The following CPEB1 variants were observed in gnomAD, a reference collection of about 807,000 sequenced individuals.
CPEB1 encodes the protein cytoplasmic polyadenylation element binding protein 1.
CPEB1 carries 7 observed loss-of-function variants against 65.8 expected under a neutral mutation model. The ratio of observed to expected loss-of-function variants is 0.11; its 90% CI spans 0.06 to 0.20. CPEB1 has a LOEUF of 0.20. Ranked by LOEUF, CPEB1 falls within the 10% of genes least tolerant of loss-of-function variation. The probability of loss-of-function intolerance (pLI) is 1.00; values close to 1 mark genes in which losing one functional copy is unlikely to be tolerated. For missense variants in CPEB1, 551 were observed against 712.2 expected, an observed-to-expected ratio of 0.77 and a Z score of 2.58; for synonymous variants, 262 against 260.0, an observed-to-expected ratio of 1.01 and a Z score of -0.08.
intron 4 of CPEB1, among the ~76,000 whole-genome samples, chr15:82,560,396 A>G (rs1189832069): frequency 1.4e-5 from 2 of 138,506 alleles, no homozygotes; most frequent in Non-Finnish European, 3.2e-5. Flanking sequence ...TCTTATTGTC[A>G]TTTGTTTTTT....
intron 3 of CPEB1, among the ~76,000 whole-genome samples, chr15:82,611,401 T>G (rs1442710224): frequency 6.6e-6 from 1 of 152,092 alleles, no homozygotes; most frequent in Non-Finnish European, 1.5e-5. Flanking sequence ...AAGAAATCAC[T>G]GAAATAAATT....
At chr15:82,573,502 A>T (rs1207813786) in intron 3 of CPEB1, among the ~76,000 whole-genome samples, 1 of 152,066 alleles carries the variant, frequency 6.6e-6, no homozygotes, top group Non-Finnish European at 1.5e-5. Flanking sequence ...TTCCTTCAAA[A>T]ACATCCATAT....
At position 82,605,813 on chromosome 15, in the gene CPEB1, C is replaced by T. The variant is rs543527575; in HGVS notation, c.271+21380G>A. Among the ~76,000 whole-genome samples the T allele has an allele frequency of 6.6e-5, 10 of 151,984 alleles. 1 individual carries two copies. The highest frequency in any genetic ancestry group is 4.2e-4 in the South Asian group (2 of 4,810). ...TAGCACTTTGGGAGGCTGAGGTGGG[C>T]GGATCACCTGAGGTCGGGAGTTCGA... is the stretch of plus-strand genomic sequence containing the variant. On this transcript the variant is annotated intron_variant, in intron 3 of 12. Transcript: ENST00000684509.
rs2034832412 is a variant in CPEB1, at chr15:82,544,595, G to A, written c.1764C>T (p.Ser588=). 7 of 1,612,052 alleles carry A rather than the reference G, an allele frequency of 4.3e-6. No individual in the cohort carries two copies. The African/African-American group carries it at 8.0e-5, about 18-fold the overall frequency. ...CCACTGGGCAAGGCCAGCTCCTCTA[G>A]CTGGAATCTCGGTTCTTCTGGTTCC... ...LMRNQKNRDS[S] is the part of the protein sequence containing the mutation. The change falls in exon 13 of 13, where the codon AGC becomes AGT. Residue 588 remains serine (S), a synonymous_variant. Transcript: ENST00000684509.
Position 82,570,657 on chromosome 15 carries a change from A to G in CPEB1, c.460+687T>C, listed in dbSNP as rs59414363. Among the ~76,000 whole-genome samples the G allele has an allele frequency of 5.4e-3, 816 of 152,040 alleles. 10 individuals are homozygous for G. The highest frequency in any genetic ancestry group is 0.019 in the African/African-American group (783 of 41,440). On this transcript the variant is annotated intron_variant, in intron 4 of 12. Coordinates refer to ENST00000684509, the MANE Select transcript of CPEB1 (RefSeq NM_001365242.1). ...TAGTTTGTCCCCACTGAACCCTACC[A>G]AGAAGACAAGGGATCCTAAAGGGGA...
intron 3 of CPEB1, among the ~76,000 whole-genome samples, chr15:82,573,729 T>C (rs2040342517): frequency 6.6e-6 from 1 of 152,130 alleles, no homozygotes; most frequent in South Asian, 2.1e-4. Context: ...CAGGAGCTTG[T>C]TATAAATACT....
At chr15:82,594,633 G>C (rs935066645) in intron 3 of CPEB1, among the ~76,000 whole-genome samples, 1 of 152,162 alleles carries the variant, frequency 6.6e-6, no homozygotes, top group African/African-American at 2.4e-5. Context: ...TTTACTGCAG[G>C]AACTTGTGCC....
intron 4 of CPEB1, among the ~76,000 whole-genome samples, chr15:82,567,095 T>C (rs1831127750): frequency 1.3e-5 from 2 of 152,136 alleles, no homozygotes; most frequent in South Asian, 4.1e-4. Context: ...AATATAGTAT[T>C]GGAGAACTGG....
intron 3 of CPEB1, among the ~76,000 whole-genome samples, chr15:82,606,000 T>C (rs926795278): frequency 1.3e-5 from 2 of 151,984 alleles, no homozygotes; most frequent in African/African-American, 4.8e-5. Flanking sequence ...ATCGCGCCAT[T>C]GTACTCCAGC....
At chr15:82,573,763 C>A (rs977133163) in intron 3 of CPEB1, among the ~76,000 whole-genome samples, 1 of 152,014 alleles carries the variant, frequency 6.6e-6, no homozygotes, top group Non-Finnish European at 1.5e-5. Context: ...CACCCAAGAC[C>A]GACAGAATTG....
intron 3 of CPEB1, among the ~76,000 whole-genome samples, chr15:82,599,295 T>C (rs1245900448): frequency 2.0e-5 from 3 of 152,156 alleles, no homozygotes; most frequent in African/African-American, 4.8e-5. Flanking sequence ...ACACTAATCT[T>C]TACAGCAACC....
intron 3 of CPEB1, among the ~76,000 whole-genome samples, chr15:82,604,476 ACT>A (rs1023410320): frequency 6.8e-6 from 1 of 147,298 alleles, no homozygotes; most frequent in African/African-American, 2.5e-5. Context: ...ACAGAGCAAG[ACT>A]CCATCTCAAA....
At chr15:82,608,341 G>C (rs1027152677) in intron 3 of CPEB1, among the ~76,000 whole-genome samples, 2 of 152,086 alleles carry the variant, frequency 1.3e-5, no homozygotes, top group African/African-American at 4.8e-5. Context: ...TCGGAGGTAG[G>C]TCAAATACAA....
intron 3 of CPEB1, among the ~76,000 whole-genome samples, chr15:82,581,238 G>A (rs929513578): frequency 9.2e-5 from 14 of 152,076 alleles, no homozygotes; most frequent in African/African-American, 3.4e-4. Context: ...TCACCCTCTC[G>A]AGTAGCTGGG....
chr15:82,580,318 T>TG (rs1831656880), intron 3 of CPEB1, among the ~76,000 whole-genome samples: 1 of 141,222 alleles, frequency 7.1e-6, no homozygotes, highest in African/African-American at 2.8e-5. Flanking sequence ...AGACTCTGTC[T>TG]TAAAAAAAAA....
upstream of CPEB1, chr15:82,647,783 C>A: frequency 5.7e-6 from 7 of 1,225,568 alleles, no homozygotes; most frequent in Non-Finnish European, 7.2e-6. Flanking sequence ...GCGCCGGACC[C>A]GGCTGCGCGC....
At chr15:82,609,649 A>C (rs915012258) in intron 3 of CPEB1, among the ~76,000 whole-genome samples, 7 of 152,114 alleles carry the variant, frequency 4.6e-5, no homozygotes, top group African/African-American at 1.2e-4. Context: ...AAAAAAAAAA[A>C]ACAGAAGTTG....
At chr15:82,628,013 C>G (rs1314979845) in intron 2 of CPEB1, 1 of 578,668 alleles carries the variant, frequency 1.7e-6, no homozygotes, top group African/African-American at 1.9e-5. Context: ...AAGTCAGCCT[C>G]CAGATCAAGG....
chr15:82,642,514 C>T (rs2047192046), intron 1 of CPEB1, among the ~76,000 whole-genome samples: 1 of 152,170 alleles, frequency 6.6e-6, no homozygotes, highest in African/African-American at 2.4e-5. Context: ...CACCACTGCC[C>T]GCCAGCCTGG....
Sources: gnomAD v4.1 joint callset for allele counts (sites outside exome capture counted in the v4.1 genomes callset) on GRCh38, gnomAD v4.1.1 for gene constraint, MANE v1.5 for transcripts, NCBI Gene and HGNC (gene_info 2026-07-23, HGNC 2026-07-21) for gene names.